The following ANGPT4 variants were observed in gnomAD, a reference collection of about 807,000 sequenced individuals.
The protein encoded by ANGPT4 is angiopoietin 4, also known as angiopoietin-4.
ANGPT4 carries 50 observed loss-of-function variants against 53.0 expected under a neutral mutation model. The ratio of observed to expected loss-of-function variants is 0.94; its 90% CI spans 0.75 to 1.20. The LOEUF (loss-of-function observed/expected upper bound fraction) is 1.20. Ranked by LOEUF, ANGPT4 falls within the 50% of genes most tolerant of loss-of-function variation. ANGPT4 has a pLI of 0.00. For synonymous variants in ANGPT4, 251 were observed against 259.7 expected, an observed-to-expected ratio of 0.97 and a Z score of 0.32; for missense variants, 648 against 637.1, an observed-to-expected ratio of 1.02 and a Z score of -0.18.
intron 3 of ANGPT4, among the ~76,000 whole-genome samples, chr20:885,926 G>A (rs1412692932): frequency 6.6e-6 from 1 of 152,220 alleles, no homozygotes; most frequent in East Asian, 1.9e-4. Flanking sequence ...GGAGAAGGCT[G>A]GAAAGACCGC....
chr20:884,184 C>G (rs1425477140), intron 4 of ANGPT4, among the ~76,000 whole-genome samples: 1 of 152,246 alleles, frequency 6.6e-6, no homozygotes, highest in Admixed American at 6.5e-5. Flanking sequence ...CTCCCATGCC[C>G]CCTGCTAGCC....
intron 2 of ANGPT4, among the ~76,000 whole-genome samples, chr20:889,262 G>C (rs1191660049): frequency 6.7e-6 from 1 of 149,984 alleles, no homozygotes; most frequent in Non-Finnish European, 1.5e-5. Context: ...AACATATGCA[G>C]ACATGTGTTG....
rs1981256359 is a variant in ANGPT4, at chr20:878,330, A to G, written c.1054-3T>C. 1 of 1,596,018 alleles carries G rather than the reference A, an allele frequency of 6.3e-7. No homozygotes were observed. The highest frequency in any genetic ancestry group is 8.6e-7 in the Non-Finnish European group (1 of 1,165,434). ...TCCCCAGCTGGGTCTCCGAAGCCCT[A>G]TAGGGAGGGGAGCGTGGGGTGAGAC... On this transcript the variant is annotated splice_region_variant and splice_polypyrimidine_tract_variant and intron_variant, in intron 6 of 8. Coordinates refer to ENST00000381922, the MANE Select transcript of ANGPT4 (RefSeq NM_015985.4).
intron 8 of ANGPT4, 152 bp downstream of exon 8, chr20:874,132 G>T: frequency 1.7e-6 from 2 of 1,165,394 alleles, no homozygotes; most frequent in Non-Finnish European, 2.4e-6. Context: ...CACCGAAGGG[G>T]CACAGCCAGG....
At chr20:903,191 C>T (rs148430769) in intron 1 of ANGPT4, among the ~76,000 whole-genome samples, 327 of 152,314 alleles carry the variant, frequency 2.1e-3, no homozygotes, top group Middle Eastern at 0.01. Context: ...GTTCCTGGGT[C>T]TCTGCCCAGA....
chr20:913,757 G>A (rs1445372431), intron 1 of ANGPT4, among the ~76,000 whole-genome samples: 1 of 152,242 alleles, frequency 6.6e-6, no homozygotes, highest in Non-Finnish European at 1.5e-5. Flanking sequence ...AAGCCAGAAA[G>A]ATGGACCATG....
chr20:915,534 C>T (rs1460202502), intron 1 of ANGPT4, among the ~76,000 whole-genome samples: 2 of 152,212 alleles, frequency 1.3e-5, no homozygotes, highest in African/African-American at 2.4e-5. Flanking sequence ...TGCCCTCTTT[C>T]TTCTTCATTT....
At chr20:875,555 T>A (rs1354203332) in intron 7 of ANGPT4, among the ~76,000 whole-genome samples, 1 of 152,206 alleles carries the variant, frequency 6.6e-6, no homozygotes, top group African/African-American at 2.4e-5. Flanking sequence ...CCTTGGAGGA[T>A]TGGCTCACCC....
At chr20:884,962 G>A (rs184615060) in intron 4 of ANGPT4, 116 bp downstream of exon 4, 2 of 1,415,810 alleles carry the variant, frequency 1.4e-6, no homozygotes, top group East Asian at 2.4e-5. Flanking sequence ...GATGGTCGGG[G>A]AGGGTGGGGC....
rs1470144977 is a variant in ANGPT4, at chr20:914,574, A to G, written c.309+1332T>C. On this transcript the variant is annotated intron_variant, in intron 1 of 8. Transcript: ENST00000381922. This position sits in a 1 kb window ranked among gnomAD's most constrained non-coding sequence, Gnocchi z 5.0. ...GCAGGGAGCCAGGGGGGCAGCCAGG[A>G]CAGCTATCCTGCCTGGAGCCAGAGG... Among the ~76,000 whole-genome samples, 2 of 152,068 alleles carry G rather than the reference A, an allele frequency of 1.3e-5. No individual in the cohort carries two copies. The highest frequency in any genetic ancestry group is 1.3e-4 in the Admixed American group (2 of 15,272).
rs762925133 is a variant in ANGPT4, at chr20:881,235, C to T, written c.887G>A (p.Arg296His). ...QVFQDCAEIQRSGASASGVYT... is the reference protein window; with the variant it reads ...QVFQDCAEIQHSGASASGVYT... ...GACACCACTGGCACTGGCCCCAGAG[C>T]GCTGGATCTCTGCACAGTCCTGGAA... is the stretch of plus-strand genomic sequence containing the variant. The change falls in exon 5 of 9, where the codon CGC (arginine) becomes CAC (histidine). Residue 296 changes from arginine to histidine, a missense_variant. By Grantham distance (29) the Arg-to-His change is conservative. Transcript: ENST00000381922. The T allele has an allele frequency of 8.1e-6, 13 of 1,613,692 alleles. No homozygotes were observed. Among genetic ancestry groups the T allele is most frequent in the South Asian group, 4.4e-5 (4 of 91,014 alleles).
At chr20:879,582 C>CA (rs781265643) in intron 6 of ANGPT4, among the ~76,000 whole-genome samples, 165 bp downstream of exon 6, 2 of 152,066 alleles carry the variant, frequency 1.3e-5, no homozygotes, top group East Asian at 3.9e-4. Context: ...AAAGAACATT[C>CA]AAATTCAGGT....
chr20:894,626 T>C (rs1289111270), intron 1 of ANGPT4, among the ~76,000 whole-genome samples: 1 of 152,158 alleles, frequency 6.6e-6, no homozygotes, highest in Admixed American at 6.5e-5. Context: ...TCATGCATCA[T>C]TGACCTCCTA....
rs939874844 is a variant in ANGPT4 at position 914,428 on chromosome 20, G to C, written c.309+1478C>G. Among the ~76,000 whole-genome samples the C allele has an allele frequency of 6.6e-6, 1 of 152,052 alleles. No individual in the cohort carries two copies. Among genetic ancestry groups the C allele is most frequent in the Non-Finnish European group, 1.5e-5 (1 of 68,008 alleles). ...GGGAGAGGGAACTCCAGGGAGTAAGGGTTCTTGCTTTTATTCGGATGCATG... is the reference window on the plus strand; with the variant it reads ...GGGAGAGGGAACTCCAGGGAGTAAGCGTTCTTGCTTTTATTCGGATGCATG... On this transcript the variant is annotated intron_variant, in intron 1 of 8. Transcript: ENST00000381922. The surrounding 1 kb of genome is among the most constrained non-coding windows in gnomAD (Gnocchi z 5.0).
chr20:904,672 G>C (rs1411556854), intron 1 of ANGPT4, among the ~76,000 whole-genome samples: 2 of 152,164 alleles, frequency 1.3e-5, no homozygotes, highest in Non-Finnish European at 2.9e-5. Flanking sequence ...TATCACCCAG[G>C]CTGGAGTGCA....
chr20:903,156 C>A (rs904954757), intron 1 of ANGPT4, among the ~76,000 whole-genome samples: 8 of 152,210 alleles, frequency 5.3e-5, no homozygotes, highest in Non-Finnish European at 1.0e-4. Context: ...GTGAACCCTG[C>A]TGCTGGCTTC....
chr20:879,811 G>T lies in ANGPT4; in HGVS notation c.989C>A (p.Thr330Asn). The change falls in exon 6 of 9, where the codon ACC (threonine) becomes AAC (asparagine). Residue 330 changes from threonine (T) to asparagine (N), a missense_variant. Transcript: ENST00000381922. ...CDLQSSGGRW[T>N]LIQRRENGTV... The stretch of plus-strand genomic sequence containing the variant: ...GCCATTCTCACGGCGCTGGATGAGG[G>T]TCCACCTGCCTCCACTGCTCTGCAG... 7 of 1,613,628 alleles carry T rather than the reference G, an allele frequency of 4.3e-6. No homozygotes were observed. Among genetic ancestry groups the T allele is most frequent in the Non-Finnish European group, 5.9e-6 (7 of 1,179,770 alleles).
At chr20:912,240 G>A (rs1347916072) in intron 1 of ANGPT4, among the ~76,000 whole-genome samples, 1 of 152,182 alleles carries the variant, frequency 6.6e-6, no homozygotes, top group East Asian at 1.9e-4. Flanking sequence ...AGCCCTTATT[G>A]AGCACCTGCT....
chr20:910,789 CA>C (rs1982665810), intron 1 of ANGPT4, among the ~76,000 whole-genome samples: 1 of 152,154 alleles, frequency 6.6e-6, no homozygotes, highest in Admixed American at 6.5e-5. Context: ...GGGAAGTCGT[CA>C]GGGGGTCTGC....
Sources: gnomAD v4.1 joint callset for allele counts (sites outside exome capture counted in the v4.1 genomes callset) on GRCh38, gnomAD v4.1.1 for gene constraint, Gnocchi (gnomAD v3.1) non-coding constraint, MANE v1.5 for transcripts, NCBI Gene and HGNC (gene_info 2026-07-23, HGNC 2026-07-21) for gene names.